Variants in SNTG2 observed in about 807,000 individuals in gnomAD.
SNTG2 encodes gamma-2-syntrophin.
Under a neutral mutation model 70.9 loss-of-function variants are expected in SNTG2, and 74 were observed. The ratio of observed to expected loss-of-function variants is 1.04; its 90% CI spans 0.86 to 1.27. The LOEUF is 1.27. SNTG2 is among the 50% of genes most tolerant of loss of function. The pLI is 0.00. For missense variants in SNTG2, 717 were observed against 690.7 expected, an observed-to-expected ratio of 1.04 and a Z score of -0.43; for synonymous variants, 278 against 273.8, an observed-to-expected ratio of 1.02 and a Z score of -0.15.
rs889034614 is a variant in SNTG2 at position 966,573 on chromosome 2, A to G, written c.72+15505A>G. Reference sequence around the variant, plus strand: ...CTTCTGACTATAAGGAAATTTTTCAAAATCATGTAGGACAAAACAAAATAT... The same window carrying G: ...CTTCTGACTATAAGGAAATTTTTCAGAATCATGTAGGACAAAACAAAATAT... On this transcript the variant is annotated intron_variant, in intron 1 of 16. Transcript: ENST00000308624. Among the ~76,000 whole-genome samples, 6 of 152,250 alleles carry G rather than the reference A, an allele frequency of 3.9e-5. No homozygotes were observed. In the South Asian group the frequency reaches 8.3e-4, roughly 21 times the overall value.
chr2:1,148,731 G>T (rs1669263953), intron 6 of SNTG2, among the ~76,000 whole-genome samples: 1 of 152,208 alleles, frequency 6.6e-6, no homozygotes, highest in African/African-American at 2.4e-5. Flanking sequence ...GCTCTCTTGA[G>T]GCCCTTTGGA....
chr2:1,179,468 T>C (rs1671713263), intron 8 of SNTG2, among the ~76,000 whole-genome samples: 1 of 152,178 alleles, frequency 6.6e-6, no homozygotes, highest in Non-Finnish European at 1.5e-5. Flanking sequence ...CATTCACAAT[T>C]GCTTCAAAGA....
chr2:1,074,480 C>T (rs992143589), intron 1 of SNTG2, among the ~76,000 whole-genome samples: 1 of 152,078 alleles, frequency 6.6e-6, no homozygotes, highest in Non-Finnish European at 1.5e-5. Context: ...AAACAGTGGT[C>T]TTTACATTGA....
chr2:1,147,823 C>G (rs1669198954), intron 6 of SNTG2, among the ~76,000 whole-genome samples: 1 of 152,154 alleles, frequency 6.6e-6, no homozygotes, highest in Non-Finnish European at 1.5e-5. Context: ...CATGATTGTT[C>G]CATGTGAAAG....
chr2:1,037,221 G>C (rs953634176), intron 1 of SNTG2, among the ~76,000 whole-genome samples: 1 of 152,212 alleles, frequency 6.6e-6, no homozygotes, highest in Non-Finnish European at 1.5e-5. Context: ...ACCTGACCCA[G>C]AGCCAGCTGG....
chr2:1,078,444 T>TGGGGCAGGTGGACAGACCC (rs2148156754), intron 1 of SNTG2, among the ~76,000 whole-genome samples: 1 of 151,944 alleles, frequency 6.6e-6, no homozygotes, highest in South Asian at 2.1e-4. Flanking sequence ...GAGGAGTGGG[T>TGGGGCAGGTGGACAGACCC]GGGGCAGGTG....
At chr2:1,105,286 G>T (rs534738692) in intron 4 of SNTG2, among the ~76,000 whole-genome samples, 3 of 152,200 alleles carry the variant, frequency 2.0e-5, no homozygotes, top group Non-Finnish European at 4.4e-5. Context: ...GAGGGTCTTG[G>T]CTGGGGTTTG....
intron 4 of SNTG2, among the ~76,000 whole-genome samples, chr2:1,119,577 AT>A (rs567758153): frequency 0.012 from 1,882 of 151,864 alleles, 33 homozygotes; most frequent in African/African-American, 0.04. Flanking sequence ...GTATAAAAAA[AT>A]GTAAGTTGTC....
rs1276160497 is a variant in SNTG2, at chr2:1,008,049, G to A, written c.72+56981G>A. On this transcript the variant is annotated intron_variant, in intron 1 of 16. Transcript: ENST00000308624. ...ATTACAGGTGTGAGCCACAACACCC[G>A]ACCAGGTTTTTATTTTGTGGGGGGC... Among the ~76,000 whole-genome samples the A allele has an allele frequency of 3.3e-5, 5 of 152,118 alleles. No individual in the cohort carries two copies. In the South Asian group the frequency reaches 6.2e-4, roughly 19 times the overall value.
At chr2:1,224,105 C>G (rs1200373592) in intron 9 of SNTG2, among the ~76,000 whole-genome samples, 2 of 152,300 alleles carry the variant, frequency 1.3e-5, no homozygotes, top group African/African-American at 4.8e-5. Context: ...GCGGCCTCTT[C>G]TGTAAGGGCA....
intron 8 of SNTG2, among the ~76,000 whole-genome samples, chr2:1,181,812 A>C (rs575921566): frequency 5.9e-5 from 9 of 152,270 alleles, no homozygotes; most frequent in African/African-American, 2.2e-4. Flanking sequence ...ATCCTTTCCC[A>C]GCACCTGAGT....
chr2:1,248,634 G>A (rs1430470877), intron 12 of SNTG2, among the ~76,000 whole-genome samples: 2 of 152,168 alleles, frequency 1.3e-5, no homozygotes, highest in East Asian at 1.9e-4. Context: ...AGAGGTGAAC[G>A]TCTGATTGGC....
In SNTG2 at chr2:1,173,136, C is replaced by A. The variant is rs1671239158; in HGVS notation, c.544C>A (p.Pro182Thr). 2.5e-6 allele frequency: 4 copies of A among 1,613,908 alleles called. No homozygotes were observed. The South Asian group carries it at 3.3e-5, about 13-fold the overall frequency. The change falls in exon 8 of 17, where the codon CCC (proline) becomes ACC (threonine). Residue 182 changes from proline to threonine, a missense_variant. Pro to Thr is a conservative substitution (Grantham distance 38). Transcript: ENST00000308624. ...SSDHSSGASS[P>T]LFDSGLHLNG... The stretch of plus-strand genomic sequence containing the variant: ...CGACCACAGCAGTGGGGCCTCCTCT[C>A]CCCTCTTTGACAGCGGTTTGCATCT...
intron 1 of SNTG2, among the ~76,000 whole-genome samples, chr2:973,135 C>G (rs1660797377): frequency 6.6e-6 from 1 of 152,186 alleles, no homozygotes. Context: ...AAACAATCCT[C>G]TTTTTGATAT....
intron 8 of SNTG2, among the ~76,000 whole-genome samples, chr2:1,201,959 G>A (rs990789913): frequency 1.3e-5 from 2 of 151,940 alleles, no homozygotes; most frequent in African/African-American, 4.8e-5. Context: ...AGGAAGAAGA[G>A]AAGGTTTAGG....
intron 2 of SNTG2, among the ~76,000 whole-genome samples, chr2:1,091,449 A>G (rs571396337): frequency 8.5e-5 from 13 of 152,294 alleles, no homozygotes; most frequent in African/African-American, 2.6e-4. Flanking sequence ...GGATCGAGGC[A>G]GGGGCTCCAG....
At chr2:1,181,709 A>AC (rs113655258) in intron 8 of SNTG2, among the ~76,000 whole-genome samples, 47,874 of 152,060 alleles carry the variant, frequency 0.31, 8,115 homozygotes, top group East Asian at 0.65. Context: ...ATTACTAACT[A>AC]CTGCTTTCCT....
chr2:1,043,853 C>A (rs939672776), intron 1 of SNTG2, among the ~76,000 whole-genome samples: 1 of 151,970 alleles, frequency 6.6e-6, no homozygotes, highest in South Asian at 2.1e-4. Flanking sequence ...ATGTGATGCC[C>A]CCAGGTTTGT....
chr2:1,182,231 G>T (rs1173466526), intron 8 of SNTG2, among the ~76,000 whole-genome samples: 1 of 152,014 alleles, frequency 6.6e-6, no homozygotes, highest in East Asian at 1.9e-4. Context: ...CTTTAGCTCT[G>T]CCCCTGCAAG....
Sources: allele counts gnomAD v4.1 joint callset (sites outside exome capture counted in the v4.1 genomes callset), GRCh38; gene constraint gnomAD v4.1.1; transcripts MANE v1.5; gene names NCBI Gene and HGNC (gene_info 2026-07-23, HGNC 2026-07-21).